ADARB2: variants seen among roughly 807,000 people sequenced by gnomAD.
ADARB2 encodes the protein adenosine deaminase RNA specific B2 (inactive).
In ADARB2, 25 loss-of-function variants were observed where a neutral mutation model predicts 62.2. The ratio of observed to expected loss-of-function variants is 0.40; its 90% CI spans 0.29 to 0.56. The LOEUF (loss-of-function observed/expected upper bound fraction) is 0.56. Among genes scored for constraint, ADARB2 ranks in the 20% least tolerant of loss-of-function variants. ADARB2 has a pLI of 0.43. For synonymous variants in ADARB2, 572 were observed against 500.8 expected (o/e 1.14, Z -1.90); for missense variants, 1,071 against 1,077.4 (o/e 0.99, Z 0.08).
At chr10:1,540,636 GT>G (rs1158579712) in intron 1 of ADARB2, among the ~76,000 whole-genome samples, 3 of 91,122 alleles carry the variant, frequency 3.3e-5, no homozygotes, top group East Asian at 3.8e-4. Context: ...GATCACAGCC[GT>G]CCAGACCCCA....
chr10:1,718,131 G>C (rs376473838), intron 1 of ADARB2, among the ~76,000 whole-genome samples: 37 of 152,276 alleles, frequency 2.4e-4, no homozygotes, highest in South Asian at 1.9e-3. Flanking sequence ...ACAGAAAGTC[G>C]CTGTTTCCAT....
At chr10:1,389,001 A>T (rs1284912098) in intron 1 of ADARB2, among the ~76,000 whole-genome samples, 2 of 152,238 alleles carry the variant, frequency 1.3e-5, no homozygotes, top group African/African-American at 4.8e-5. Context: ...TCAAGTCTGT[A>T]TGATCAACTG....
intron 1 of ADARB2, among the ~76,000 whole-genome samples, chr10:1,548,203 C>T (rs371928367): frequency 2.0e-5 from 3 of 152,280 alleles, no homozygotes; most frequent in South Asian, 4.1e-4. Flanking sequence ...TGTCATTGCA[C>T]ACATTATCAC....
intron 1 of ADARB2, among the ~76,000 whole-genome samples, chr10:1,386,769 A>G (rs1832528863): frequency 6.6e-6 from 1 of 151,968 alleles, no homozygotes; most frequent in African/African-American, 2.4e-5. Flanking sequence ...AAGGTGGTAT[A>G]GAACAAAAAA....
chr10:1,440,498 C>T (rs1027774191), intron 1 of ADARB2, among the ~76,000 whole-genome samples: 9 of 151,440 alleles, frequency 5.9e-5, no homozygotes, highest in South Asian at 2.1e-4. Context: ...CCAGAGCCCA[C>T]GATATACCCC....
chr10:1,524,677 C>T (rs774653483), intron 1 of ADARB2, among the ~76,000 whole-genome samples: 12 of 152,250 alleles, frequency 7.9e-5, no homozygotes, highest in South Asian at 2.1e-4. Flanking sequence ...CCTTTGATTA[C>T]GAGAACAGCA....
chr10:1,359,770 C>A (rs531876735), intron 3 of ADARB2, among the ~76,000 whole-genome samples: 1 of 152,202 alleles, frequency 6.6e-6, no homozygotes, highest in African/African-American at 2.4e-5. Context: ...ATGACAAGCT[C>A]CAGCCGCAGT....
intron 1 of ADARB2, among the ~76,000 whole-genome samples, chr10:1,627,491 C>T (rs1015157086): frequency 2.6e-5 from 4 of 152,142 alleles, no homozygotes; most frequent in African/African-American, 9.7e-5. Context: ...AAACTTAAAT[C>T]TCAGTCCTTG....
At chr10:1,403,527 A>G (rs775995413) in intron 1 of ADARB2, among the ~76,000 whole-genome samples, 6 of 152,218 alleles carry the variant, frequency 3.9e-5, no homozygotes, top group Non-Finnish European at 8.8e-5. Context: ...TATTCATGCC[A>G]GAATGAACCA....
At chr10:1,376,097 C>A (rs1290480100) in intron 2 of ADARB2, among the ~76,000 whole-genome samples, 2 of 152,258 alleles carry the variant, frequency 1.3e-5, no homozygotes, top group Admixed American at 6.5e-5. Flanking sequence ...CACACACACA[C>A]ACGCACATCT....
intron 4 of ADARB2, among the ~76,000 whole-genome samples, chr10:1,258,930 A>C (rs371420444): frequency 2.6e-5 from 4 of 152,368 alleles, no homozygotes; most frequent in South Asian, 2.1e-4. Context: ...GTAAAAGAAC[A>C]GAAATTATAA....
At chr10:1,450,296 A>G (rs7092800) in intron 1 of ADARB2, among the ~76,000 whole-genome samples, 37 of 152,352 alleles carry the variant, frequency 2.4e-4, no homozygotes, top group Admixed American at 2.2e-3. Context: ...GACACTAATA[A>G]TCTTTGGAAA....
intron 1 of ADARB2, among the ~76,000 whole-genome samples, chr10:1,620,745 T>A (rs1833694789): frequency 6.6e-6 from 1 of 152,194 alleles, no homozygotes; most frequent in Non-Finnish European, 1.5e-5. Context: ...TCAAGCACCA[T>A]ATGAAAAGGG....
intron 1 of ADARB2, among the ~76,000 whole-genome samples, chr10:1,479,511 A>G (rs930944686): frequency 6.6e-6 from 1 of 152,066 alleles, no homozygotes; most frequent in African/African-American, 2.4e-5. Context: ...CTAGCTTTTG[A>G]TTGAAAACCT....
chr10:1,402,526 A>G (rs1172601322), intron 1 of ADARB2, among the ~76,000 whole-genome samples: 1 of 152,162 alleles, frequency 6.6e-6, no homozygotes, highest in African/African-American at 2.4e-5. Flanking sequence ...ATTTACATCA[A>G]ACTGTGAATT....
Position 1,488,765 on chromosome 10 carries a change from G to C in ADARB2, c.101-109605C>G, listed in dbSNP as rs189701616. The stretch of plus-strand genomic sequence containing the variant: ...CCTGCGCGAGTCTGAGAAGAGCAAT[G>C]CTCCCTAACAGCATACGTGTATCTG... On this transcript the variant is annotated intron_variant, in intron 1 of 9. Coordinates refer to ENST00000381312, the MANE Select transcript of ADARB2 (RefSeq NM_018702.4). Among the ~76,000 whole-genome samples the C allele has an allele frequency of 9.3e-3, 1,413 of 152,312 alleles. 12 individuals carry two copies. The highest frequency in any genetic ancestry group is 0.039 in the South Asian group (187 of 4,822).
At chr10:1,446,133 C>T (rs1830965949) in intron 1 of ADARB2, among the ~76,000 whole-genome samples, 1 of 152,168 alleles carries the variant, frequency 6.6e-6, no homozygotes, top group Non-Finnish European at 1.5e-5. Context: ...GACAAGAAGG[C>T]TGAAATAAGG....
chr10:1,201,056 G>C (rs1026355522), intron 7 of ADARB2, among the ~76,000 whole-genome samples: 2 of 152,218 alleles, frequency 1.3e-5, no homozygotes, highest in African/African-American at 4.8e-5. Context: ...TCTACCTGGA[G>C]AGTAATCTTC....
At chr10:1,706,692 G>A (rs1834893887) in intron 1 of ADARB2, among the ~76,000 whole-genome samples, 1 of 152,208 alleles carries the variant, frequency 6.6e-6, no homozygotes, top group Non-Finnish European at 1.5e-5. Context: ...AGAATCAGAA[G>A]CCTGGTTTCT....
Sources: gnomAD v4.1 joint callset for allele counts (sites outside exome capture counted in the v4.1 genomes callset) on GRCh38, gnomAD v4.1.1 for gene constraint, MANE v1.5 for transcripts, NCBI Gene and HGNC (gene_info 2026-07-23, HGNC 2026-07-21) for gene names.